The following LRPPRC variants were observed in gnomAD, a reference collection of about 807,000 sequenced individuals.
LRPPRC encodes leucine rich pentatricopeptide repeat containing.
Under a neutral mutation model 180.3 loss-of-function variants are expected in LRPPRC, and 120 were observed. That is an observed-to-expected ratio of 0.67 (90% CI 0.57 to 0.77). LRPPRC has a LOEUF of 0.77. Among genes scored for constraint, LRPPRC ranks in the 30% least tolerant of loss-of-function variants. The probability of loss-of-function intolerance (pLI) is 0.00; values close to 1 mark genes in which losing one functional copy is unlikely to be tolerated. For missense variants in LRPPRC, 2,012 were observed against 1,657.2 expected (o/e 1.21, Z -3.72); for synonymous variants, 723 against 600.0 (o/e 1.21, Z -3.00).
chr2:43,983,391 A>G (rs6716499), intron 1 of LRPPRC, among the ~76,000 whole-genome samples: 72 of 152,080 alleles, frequency 4.7e-4, no homozygotes, highest in African/African-American at 1.6e-3. Flanking sequence ...ATCGTGCATT[A>G]AGTAGAGTTC....
chr2:43,983,222 C>G (rs1674388258), intron 1 of LRPPRC, among the ~76,000 whole-genome samples: 1 of 152,060 alleles, frequency 6.6e-6, no homozygotes, highest in South Asian at 2.1e-4. Flanking sequence ...AAACCATTCA[C>G]TATTTTAGTA....
chr2:43,936,253 T>C (rs745563042), intron 23 of LRPPRC, among the ~76,000 whole-genome samples: 10 of 152,218 alleles, frequency 6.6e-5, no homozygotes, highest in Non-Finnish European at 1.5e-4. Flanking sequence ...AGCAAGTCGC[T>C]GGACTTCCCA....
intron 25 of LRPPRC, among the ~76,000 whole-genome samples, chr2:43,933,631 G>C (rs1489355172): frequency 6.6e-6 from 1 of 151,962 alleles, no homozygotes; most frequent in East Asian, 1.9e-4. Flanking sequence ...GTAAAGCCTA[G>C]ATAAAATATA....
At chr2:43,949,365 T>C (rs1226866740) in intron 16 of LRPPRC, among the ~76,000 whole-genome samples, 2 of 152,158 alleles carry the variant, frequency 1.3e-5, no homozygotes, top group Non-Finnish European at 2.9e-5. Context: ...AGAAGAAACA[T>C]TTCCCCAATA....
intron 13 of LRPPRC, chr2:43,959,260 C>CA (rs1192514657): frequency 5.6e-6 from 4 of 709,828 alleles, no homozygotes; most frequent in South Asian, 3.0e-5. Context: ...TCAATACACT[C>CA]AGATAGCAGC....
chr2:43,894,724 T>A, intron 35 of LRPPRC, 95 bp from the exon 36 acceptor site: 1 of 733,326 alleles, frequency 1.4e-6, no homozygotes, highest in Non-Finnish European at 2.5e-6. Flanking sequence ...ATTTTCACAA[T>A]AATTATAACA....
chr2:43,948,611 A>G, intron 16 of LRPPRC, 93 bp from the exon 17 acceptor site: 5 of 750,836 alleles, frequency 6.7e-6, no homozygotes, highest in Non-Finnish European at 1.2e-5. Context: ...TTGGTGTGAG[A>G]TGTCACCCTG....
In LRPPRC at chr2:43,888,380, C is replaced by A; in HGVS notation, c.*220G>T. On this transcript the variant is annotated 3_prime_UTR_variant, in exon 38 of 38. Transcript: ENST00000260665. ...AAAGTATGGCTTCACACAGCAGCAG[C>A]ATTGAAGAAAACACTATCGATTTTT... 1 of 471,228 alleles carries A rather than the reference C, an allele frequency of 2.1e-6. No homozygotes were observed. The highest frequency in any genetic ancestry group is 3.9e-6 in the Non-Finnish European group (1 of 258,480). 29.2% of individuals were successfully genotyped at this position (471,228 alleles called of 1,614,324 possible). A position where few individuals can be genotyped will look rare whatever the true frequency, so the allele number is the denominator to read the frequency against.
At chr2:43,917,993 C>G in intron 29 of LRPPRC, 32 bp downstream of exon 29, 1 of 1,425,136 alleles carries the variant, frequency 7.0e-7, no homozygotes, top group South Asian at 1.2e-5. Context: ...GACCACCCCC[C>G]CACACACACC....
At chr2:43,996,026 C>G, upstream of LRPPRC, 1 of 1,443,388 alleles carries the variant, frequency 6.9e-7, no homozygotes, top group Non-Finnish European at 9.3e-7. Context: ...TAGCCTGGCG[C>G]GGCAGAGACC....
Position 43,962,632 on chromosome 2 carries a change from A to T in LRPPRC, c.1488+956T>A, listed in dbSNP as rs1345045922. Among the ~76,000 whole-genome samples, 5 of 152,316 alleles carry T rather than the reference A, an allele frequency of 3.3e-5. No individual in the cohort carries two copies. In the East Asian group the frequency reaches 9.6e-4, roughly 29 times the overall value. ...CTAATCCAATGCACTGTCCCAATCAACATCTTCATGTGCCTCTTCATCAAC... is the reference window on the plus strand; with the variant it reads ...CTAATCCAATGCACTGTCCCAATCATCATCTTCATGTGCCTCTTCATCAAC... On this transcript the variant is annotated intron_variant, in intron 12 of 37. Transcript: ENST00000260665.
At chr2:43,990,172 T>C (rs759475317) in intron 1 of LRPPRC, among the ~76,000 whole-genome samples, 2 of 152,040 alleles carry the variant, frequency 1.3e-5, no homozygotes, top group Admixed American at 6.5e-5. Context: ...TGAGCCGAGA[T>C]GGCCCCGTTA....
chr2:43,973,006 C>T (rs1673886169), intron 11 of LRPPRC, among the ~76,000 whole-genome samples: 1 of 152,170 alleles, frequency 6.6e-6, no homozygotes, highest in Non-Finnish European at 1.5e-5. Context: ...TTGTTCAATT[C>T]TTATTCATAT....
intron 1 of LRPPRC, among the ~76,000 whole-genome samples, chr2:43,988,941 C>A (rs930776532): frequency 1.3e-5 from 2 of 152,100 alleles, no homozygotes; most frequent in Non-Finnish European, 2.9e-5. Context: ...GCAATTATGG[C>A]TCACTGCAGC....
intron 17 of LRPPRC, 67 bp from the exon 18 acceptor site, chr2:43,948,266 C>T (rs986784171): frequency 8.2e-6 from 8 of 979,490 alleles, no homozygotes; most frequent in South Asian, 1.3e-5. Context: ...ATTTGTCTAA[C>T]AGAAATTATC....
chr2:43,956,791 G>A (rs1673136358), intron 14 of LRPPRC, among the ~76,000 whole-genome samples: 1 of 152,134 alleles, frequency 6.6e-6, no homozygotes. Context: ...TCAGCAGGCT[G>A]AGGCAGGAAA....
At position 43,948,178 on chromosome 2, in the gene LRPPRC, T is replaced by C. The variant is rs774436998; in HGVS notation, c.1864A>G (p.Ile622Val). 6.2e-7 allele frequency: 1 copy of C among 1,604,432 alleles called. No individual in the cohort carries two copies. The highest frequency in any genetic ancestry group is 1.7e-5 in the Admixed American group (1 of 59,996). Residue 622 changes from isoleucine to valine, a missense_variant, in exon 18 of 38, where the codon ATC becomes GTC. By Grantham distance (29) the Ile-to-Val change is conservative. Coordinates refer to ENST00000260665, the MANE Select transcript of LRPPRC (RefSeq NM_133259.4). Reference sequence around the variant, plus strand: ...AGGAGATTACGAATGCCTCTGTAGATATTTTCAGGAATTTTTACATTCTGT... The same window carrying C: ...AGGAGATTACGAATGCCTCTGTAGACATTTTCAGGAATTTTTACATTCTGT... ...EKMNVKIPEN[I>V]YRGIRNLLES...
upstream of LRPPRC, chr2:43,996,000 G>C (rs1675051084): frequency 2.0e-6 from 3 of 1,513,568 alleles, no homozygotes; most frequent in Non-Finnish European, 2.6e-6. Flanking sequence ...GACAGGAGGA[G>C]CATGTGACCG....
intron 23 of LRPPRC, among the ~76,000 whole-genome samples, chr2:43,936,850 G>A (rs1045291847): frequency 2.6e-5 from 4 of 152,154 alleles, no homozygotes; most frequent in African/African-American, 4.8e-5. Context: ...TGTCATAGAA[G>A]AGAAATGGTA....
Sources: gnomAD v4.1 joint callset for allele counts (sites outside exome capture counted in the v4.1 genomes callset) on GRCh38, gnomAD v4.1.1 for gene constraint, MANE v1.5 for transcripts, NCBI Gene and HGNC (gene_info 2026-07-23, HGNC 2026-07-21) for gene names.